SARDH: variants seen among roughly 807,000 people sequenced by gnomAD.
SARDH encodes sarcosine dehydrogenase, mitochondrial.
Under a neutral mutation model 109.1 loss-of-function variants are expected in SARDH, and 95 were observed. The observed-to-expected ratio is 0.87, with a 90% CI of 0.74 to 1.03. The LOEUF is 1.03. SARDH is among the 50% of genes least tolerant of loss of function. The probability of loss-of-function intolerance (pLI) is 0.00; values close to 1 mark genes in which losing one functional copy is unlikely to be tolerated. For synonymous variants in SARDH, 572 were observed against 534.8 expected (o/e 1.07, Z -0.96); for missense variants, 1,267 against 1,287.8 (o/e 0.98, Z 0.25).
Position 133,718,370 on chromosome 9 carries a change from C to A in SARDH, c.1020+568G>T, listed in dbSNP as rs555447125. 1.1e-4 allele frequency: 31 copies of A among 292,732 alleles called. No individual in the cohort carries two copies. The Admixed American group carries it at 1.3e-3, about 12-fold the overall frequency. The allele number at this position is 292,732 out of a possible 1,614,324, so 18.1% of individuals were successfully genotyped here. A position where few individuals can be genotyped will look rare whatever the true frequency, so the allele number is the denominator to read the frequency against. ...TACAGGTGTGAGCCACCGTGCCCAG[C>A]CATTTGTTTGTTTATTGTATGTCTC... On this transcript the variant is annotated intron_variant, in intron 7 of 20. Coordinates refer to ENST00000439388, the MANE Select transcript of SARDH (RefSeq NM_001134707.2). The surrounding 1 kb of genome is among the most constrained non-coding windows in gnomAD (Gnocchi z 4.2).
chr9:133,683,682 T>C (rs1267946761), intron 17 of SARDH, among the ~76,000 whole-genome samples: 1 of 152,066 alleles, frequency 6.6e-6, no homozygotes, highest in Non-Finnish European at 1.5e-5. Flanking sequence ...GCCGCTGGGA[T>C]CTCCCTAGTT....
chr9:133,722,642 G>GCTCCCTCTCTCTCTCTCTCT (rs1203936066), intron 6 of SARDH, among the ~76,000 whole-genome samples: 1 of 145,748 alleles, frequency 6.9e-6, no homozygotes. Flanking sequence ...AACTACTAGC[G>GCTCCCTCTCTCTCTCTCTCT]CTCTCTCTCT....
At chr9:133,698,125 T>G (rs1831356785) in intron 13 of SARDH, among the ~76,000 whole-genome samples, 1 of 151,954 alleles carries the variant, frequency 6.6e-6, no homozygotes, top group Non-Finnish European at 1.5e-5. Context: ...TGTATTTCTA[T>G]ATTAGCAATG....
At chr9:133,727,281 C>T (rs533829000) in intron 6 of SARDH, among the ~76,000 whole-genome samples, 1 of 152,330 alleles carries the variant, frequency 6.6e-6, no homozygotes, top group South Asian at 2.1e-4. Context: ...CCTCCAGCCA[C>T]CCAAGAAGAA....
intron 7 of SARDH, 106 bp from the exon 8 acceptor site, chr9:133,717,561 A>C (rs1449318776): frequency 6.7e-7 from 1 of 1,482,952 alleles, no homozygotes; most frequent in Non-Finnish European, 9.1e-7. Context: ...CTGCTGAATC[A>C]GATGCATTAG....
At chr9:133,724,416 C>T (rs1433695492) in intron 6 of SARDH, among the ~76,000 whole-genome samples, 1 of 152,146 alleles carries the variant, frequency 6.6e-6, no homozygotes, top group African/African-American at 2.4e-5. Context: ...AGAGATGCCC[C>T]ACATCATGTC....
At chr9:133,662,721 T>C (rs556306053), downstream of SARDH, among the ~76,000 whole-genome samples, 1 of 152,258 alleles carries the variant, frequency 6.6e-6, no homozygotes, top group African/African-American at 2.4e-5. The surrounding 1 kb of genome is among the most constrained non-coding windows in gnomAD (Gnocchi z 5.1). Context: ...CGCTGTTTGC[T>C]GTGTGTGTGG....
chr9:133,689,858 C>A (rs935409804), intron 16 of SARDH, among the ~76,000 whole-genome samples: 4 of 152,138 alleles, frequency 2.6e-5, no homozygotes, highest in Non-Finnish European at 4.4e-5. Flanking sequence ...AGCCAGCAGC[C>A]GAGGGTCTTC....
At chr9:133,671,756 AGGCCACCACTTCCT>A (rs1335066651) in intron 17 of SARDH, 59 bp from the exon 18 acceptor site, 1 of 1,507,720 alleles carries the variant, frequency 6.6e-7, no homozygotes, top group Non-Finnish European at 8.9e-7. Flanking sequence ...GTCCAGGCCC[AGGCCACCACTTCCT>A]GGTGGCAGCT....
chr9:133,677,425 G>A (rs543125824), intron 17 of SARDH, among the ~76,000 whole-genome samples: 31 of 152,262 alleles, frequency 2.0e-4, no homozygotes, highest in African/African-American at 6.3e-4. Flanking sequence ...TTGAGGGTCG[G>A]ACCAGAGCAG....
chr9:133,735,567 C>T (rs577721734), intron 1 of SARDH, among the ~76,000 whole-genome samples: 1 of 152,346 alleles, frequency 6.6e-6, no homozygotes, highest in South Asian at 2.1e-4. Context: ...CTGCAATCCA[C>T]ACAATCAGCC....
intron 19 of SARDH, among the ~76,000 whole-genome samples, chr9:133,670,192 G>A (rs909671348): frequency 8.5e-5 from 13 of 152,134 alleles, no homozygotes; most frequent in African/African-American, 3.1e-4. Context: ...AGCTGGGTGT[G>A]GTAGTGCACG....
Position 133,666,813 on chromosome 9 carries a change from A to G in SARDH, c.2553T>C (p.His851=). Residue 851 remains histidine (H), a synonymous_variant, in exon 20 of 21, where the codon CAT becomes CAC. Transcript: ENST00000439388. The surrounding 1 kb of genome is among the most constrained non-coding windows in gnomAD (Gnocchi z 5.2). ...AIWRNGQVVG[H]VRRADFGFAI... ...CGAACCCAAAGTCAGCCCTCCGGAC[A>G]TGGCCCACCACTTGGCCGTTCCTCC... 1.2e-6 allele frequency: 2 copies of G among 1,609,358 alleles called. No homozygotes were observed. Among genetic ancestry groups the G allele is most frequent in the Non-Finnish European group, 1.7e-6 (2 of 1,178,110 alleles).
At chr9:133,717,485 G>A (rs372429350) in intron 7 of SARDH, 30 bp from the exon 8 acceptor site, 110 of 1,612,948 alleles carry the variant, frequency 6.8e-5, no homozygotes, top group Middle Eastern at 3.3e-4. Context: ...GAACATCTCC[G>A]TTGTCCCCAA....
At chr9:133,668,182 T>C (rs7043939) in intron 19 of SARDH, among the ~76,000 whole-genome samples, 2,869 of 151,724 alleles carry the variant, frequency 0.019, 100 homozygotes, top group African/African-American at 0.066. Context: ...CTGAGCTGAT[T>C]CAGGGAGCTG....
intron 8 of SARDH, among the ~76,000 whole-genome samples, chr9:133,714,511 G>C (rs1381430359): frequency 2.0e-5 from 3 of 152,234 alleles, no homozygotes; most frequent in Admixed American, 6.5e-5. Flanking sequence ...GGGTGCAGTG[G>C]CTCACGCCTG....
At chr9:133,732,358 A>G in intron 3 of SARDH, 65 bp downstream of exon 3, 5 of 503,450 alleles carry the variant, frequency 9.9e-6, no homozygotes, top group Admixed American at 3.0e-5. Flanking sequence ...CACCAATATG[A>G]CCCCCCAGGG....
At chr9:133,702,638 C>T (rs958318095) in intron 13 of SARDH, among the ~76,000 whole-genome samples, 1 of 152,232 alleles carries the variant, frequency 6.6e-6, no homozygotes, top group Non-Finnish European at 1.5e-5. Context: ...CACCGGGCCC[C>T]AGCCCGTTGC....
chr9:133,725,675 CA>C (rs1021314030), intron 6 of SARDH: 23 of 225,244 alleles, frequency 1.0e-4, no homozygotes, highest in South Asian at 1.7e-4. Context: ...AACTCTGTCT[CA>C]AAAAAAACAA....
Sources: gnomAD v4.1 joint callset for allele counts (sites outside exome capture counted in the v4.1 genomes callset) on GRCh38, gnomAD v4.1.1 for gene constraint, Gnocchi (gnomAD v3.1) non-coding constraint, MANE v1.5 for transcripts, NCBI Gene and HGNC (gene_info 2026-07-23, HGNC 2026-07-21) for gene names.